The following NAALADL2 variants were observed in gnomAD, a reference collection of about 807,000 sequenced individuals.
NAALADL2 encodes the protein inactive N-acetylated-alpha-linked acidic dipeptidase-like protein 2.
NAALADL2 carries 76 observed loss-of-function variants against 87.2 expected under a neutral mutation model. The observed-to-expected ratio is 0.87, with a 90% CI of 0.72 to 1.05. The LOEUF is 1.05. Among genes scored for constraint, NAALADL2 ranks in the 50% least tolerant of loss-of-function variants. The pLI is 0.00. For synonymous variants in NAALADL2, 354 were observed against 331.0 expected, an observed-to-expected ratio of 1.07 and a Z score of -0.75; for missense variants, 1,089 against 945.8, an observed-to-expected ratio of 1.15 and a Z score of -1.99.
chr3:175,061,951 T>C (rs927358464), intron 1 of NAALADL2, among the ~76,000 whole-genome samples: 7 of 151,978 alleles, frequency 4.6e-5, no homozygotes, highest in Non-Finnish European at 8.8e-5. Flanking sequence ...AACTCATACA[T>C]TATGGTAGCA....
intron 1 of NAALADL2, among the ~76,000 whole-genome samples, chr3:175,056,276 G>A (rs1712149192): frequency 6.6e-6 from 1 of 152,080 alleles, no homozygotes; most frequent in Non-Finnish European, 1.5e-5. Flanking sequence ...CTGTTACTTG[G>A]TTATACTCTC....
chr3:174,627,514 A>C (rs1231032515), intron 2 of NAALADL2, among the ~76,000 whole-genome samples: 1 of 152,248 alleles, frequency 6.6e-6, no homozygotes, highest in Non-Finnish European at 1.5e-5. Context: ...CATCTGTGGG[A>C]AACAGTATGG....
chr3:174,904,434 C>G (rs1732731702), intron 1 of NAALADL2, among the ~76,000 whole-genome samples: 1 of 151,836 alleles, frequency 6.6e-6, no homozygotes, highest in Admixed American at 6.6e-5. Context: ...TACGATTTGG[C>G]ATAGTCTATG....
chr3:175,319,141 C>T (rs765092475), intron 4 of NAALADL2, among the ~76,000 whole-genome samples: 1 of 152,230 alleles, frequency 6.6e-6, no homozygotes, highest in Non-Finnish European at 1.5e-5. Flanking sequence ...CTCTCATTCA[C>T]ACATTCTTTG....
intron 1 of NAALADL2, among the ~76,000 whole-genome samples, chr3:174,910,914 T>A (rs1456418730): frequency 6.6e-6 from 1 of 152,068 alleles, no homozygotes; most frequent in Non-Finnish European, 1.5e-5. Context: ...CTGTGAATGC[T>A]TTCGCAAAAC....
At chr3:174,732,745 C>T (rs1470476089) in intron 2 of NAALADL2, among the ~76,000 whole-genome samples, 1 of 152,094 alleles carries the variant, frequency 6.6e-6, no homozygotes, top group African/African-American at 2.4e-5. Context: ...TTGAAGAAGA[C>T]TGTTTTAGAA....
At chr3:175,474,727 G>T (rs1483895987) in intron 9 of NAALADL2, among the ~76,000 whole-genome samples, 1 of 76,146 alleles carries the variant, frequency 1.3e-5, no homozygotes, top group Admixed American at 1.7e-4. Context: ...AGTGATTCAG[G>T]ACTGCTTTTC....
intron 1 of NAALADL2, among the ~76,000 whole-genome samples, chr3:174,899,629 C>G (rs537453311): frequency 2.0e-5 from 3 of 152,280 alleles, no homozygotes; most frequent in Non-Finnish European, 4.4e-5. Flanking sequence ...CATCGTGATT[C>G]CTGTACAGCC....
chr3:175,135,591 A>C (rs959518811), intron 2 of NAALADL2, among the ~76,000 whole-genome samples: 35 of 152,288 alleles, frequency 2.3e-4, no homozygotes, highest in African/African-American at 7.7e-4. Flanking sequence ...AGTCAAAAGA[A>C]AGATGTTGAT....
At chr3:174,627,617 T>G (rs1467483426) in intron 2 of NAALADL2, among the ~76,000 whole-genome samples, 1 of 152,170 alleles carries the variant, frequency 6.6e-6, no homozygotes, top group Non-Finnish European at 1.5e-5. Flanking sequence ...AGAAATCATT[T>G]TATTAAAAGA....
In NAALADL2 at chr3:175,661,127, T is replaced by A. The variant is rs145363712; in HGVS notation, c.1896+33741T>A. Among the ~76,000 whole-genome samples the A allele has an allele frequency of 1.6e-3, 248 of 152,182 alleles. 1 individual carries two copies. The highest frequency in any genetic ancestry group is 5.6e-3 in the African/African-American group (231 of 41,554). On this transcript the variant is annotated intron_variant, in intron 11 of 13. Transcript: ENST00000454872. Reference sequence around the variant, plus strand: ...ATCCCTATCAATGGTGTAAAGATGTTCCCCTTTCTCCACATCCTCACCAAC... The same window carrying A: ...ATCCCTATCAATGGTGTAAAGATGTACCCCTTTCTCCACATCCTCACCAAC...
chr3:175,726,554 G>C (rs1718955860), intron 11 of NAALADL2, among the ~76,000 whole-genome samples: 1 of 152,120 alleles, frequency 6.6e-6, no homozygotes, highest in South Asian at 2.1e-4. Flanking sequence ...TCTCCAGCAA[G>C]GTTAAGCTTC....
intron 11 of NAALADL2, among the ~76,000 whole-genome samples, chr3:175,659,975 T>G (rs895475160): frequency 1.3e-5 from 2 of 152,264 alleles, no homozygotes; most frequent in Non-Finnish European, 2.9e-5. Flanking sequence ...TTGCTCACAG[T>G]TCTGAAGCTG....
chr3:175,754,420 G>A (rs1746996733), intron 12 of NAALADL2, among the ~76,000 whole-genome samples: 2 of 152,186 alleles, frequency 1.3e-5, no homozygotes, highest in Middle Eastern at 6.8e-3. Flanking sequence ...ATGACTTTTA[G>A]TAAGTTACAC....
At chr3:174,549,564 A>G (rs1667027910) in intron 1 of NAALADL2, among the ~76,000 whole-genome samples, 1 of 152,232 alleles carries the variant, frequency 6.6e-6, no homozygotes, top group African/African-American at 2.4e-5. Context: ...CTAAATTAAC[A>G]TCCTTAGGGA....
In NAALADL2 at chr3:175,133,495, G is replaced by A. The variant is rs576153819; in HGVS notation, c.545+36204G>A. Among the ~76,000 whole-genome samples, 8 of 152,334 alleles carry A rather than the reference G, an allele frequency of 5.3e-5. No individual in the cohort carries two copies. The East Asian group carries it at 1.2e-3, about 22-fold the overall frequency. On this transcript the variant is annotated intron_variant, in intron 2 of 13. Coordinates refer to ENST00000454872, the MANE Select transcript of NAALADL2 (RefSeq NM_207015.3). ...GGCACCTTGGGATGCCGAGGCTGGC[G>A]GATCACTCGCAGCTAGGAGCTGGAG...
chr3:175,598,434 CTTAATG>C (rs548764605), intron 10 of NAALADL2, among the ~76,000 whole-genome samples: 44 of 151,070 alleles, frequency 2.9e-4, no homozygotes, highest in Non-Finnish European at 5.0e-4. Context: ...ATTCCATTTT[CTTAATG>C]TTAATAATAA....
At chr3:174,902,752 G>A (rs964642680) in intron 1 of NAALADL2, among the ~76,000 whole-genome samples, 4 of 152,132 alleles carry the variant, frequency 2.6e-5, no homozygotes, top group African/African-American at 9.6e-5. Context: ...TTTTTATTCT[G>A]GTATGCTGAT....
intron 1 of NAALADL2, among the ~76,000 whole-genome samples, chr3:174,541,876 C>G (rs955236538): frequency 6.6e-5 from 10 of 151,462 alleles, no homozygotes; most frequent in African/African-American, 2.4e-4. Flanking sequence ...GGAAACAATT[C>G]AAGAGTGAGT....
Sources: allele counts gnomAD v4.1 joint callset (sites outside exome capture counted in the v4.1 genomes callset), GRCh38; gene constraint gnomAD v4.1.1; transcripts MANE v1.5; gene names NCBI Gene and HGNC (gene_info 2026-07-23, HGNC 2026-07-21).